NEK10: variants seen among roughly 807,000 people sequenced by gnomAD.
The protein encoded by NEK10 is NIMA related kinase 10.
Under a neutral mutation model 159.8 loss-of-function variants are expected in NEK10, and 122 were observed. The observed-to-expected ratio is 0.76, with a 90% CI of 0.66 to 0.89. The LOEUF is 0.89. Ranked by LOEUF, NEK10 falls within the 40% of genes least tolerant of loss-of-function variation. The pLI is 0.00. For missense variants in NEK10, 1,342 were observed against 1,323.1 expected (o/e 1.01, Z -0.22); for synonymous variants, 466 against 457.1 (o/e 1.02, Z -0.25).
chr3:27,233,798 C>G (rs542733010), intron 23 of NEK10, among the ~76,000 whole-genome samples: 14 of 152,112 alleles, frequency 9.2e-5, no homozygotes, highest in African/African-American at 2.6e-4. Context: ...ATACTAAAAC[C>G]TGGCAGAGAT....
intron 32 of NEK10, among the ~76,000 whole-genome samples, chr3:27,123,942 G>A (rs1028273098): frequency 2.0e-5 from 3 of 151,976 alleles, no homozygotes; most frequent in African/African-American, 7.2e-5. Context: ...TACAAGATGA[G>A]GGTGAACAGA....
chr3:27,290,178 C>G (rs1276732800), intron 19 of NEK10, among the ~76,000 whole-genome samples: 2 of 152,122 alleles, frequency 1.3e-5, no homozygotes, highest in Non-Finnish European at 2.9e-5. Flanking sequence ...TACATAATAA[C>G]CCAACTTGAA....
intron 30 of NEK10, among the ~76,000 whole-genome samples, chr3:27,157,615 G>A (rs945690328): frequency 1.3e-5 from 2 of 152,266 alleles, no homozygotes; most frequent in Non-Finnish European, 2.9e-5. Flanking sequence ...GAACATTGTT[G>A]AAATGGCAAC....
chr3:27,181,828 C>G (rs7634574), intron 26 of NEK10, among the ~76,000 whole-genome samples: 1 of 152,020 alleles, frequency 6.6e-6, no homozygotes, highest in African/African-American at 2.4e-5. Context: ...TAAATGCTTA[C>G]TAAATTTTGT....
At chr3:27,270,334 T>C (rs1195195948) in intron 22 of NEK10, among the ~76,000 whole-genome samples, 3 of 152,004 alleles carry the variant, frequency 2.0e-5, no homozygotes, top group Non-Finnish European at 2.9e-5. Context: ...CCAGAACCCA[T>C]TGCCAGCCAT....
intron 30 of NEK10, among the ~76,000 whole-genome samples, chr3:27,146,121 G>A (rs1944275203): frequency 6.6e-6 from 1 of 152,088 alleles, no homozygotes; most frequent in Non-Finnish European, 1.5e-5. Context: ...GACATAATAA[G>A]CTGGAAGCAT....
intron 7 of NEK10, 30 bp downstream of exon 7, chr3:27,314,267 C>T: frequency 6.4e-7 from 1 of 1,561,152 alleles, no homozygotes; most frequent in South Asian, 1.2e-5. Context: ...AATGAAAAGG[C>T]AAGACCAGCC....
chr3:27,265,662 T>A (rs775277903), intron 22 of NEK10: 1 of 152,208 alleles, frequency 6.6e-6, no homozygotes, highest in Non-Finnish European at 1.5e-5. Context: ...AATTTTAGTA[T>A]ACATGCTGGC....
intron 3 of NEK10, among the ~76,000 whole-genome samples, chr3:27,351,591 C>T (rs1451733078): frequency 6.6e-6 from 1 of 152,142 alleles, no homozygotes; most frequent in Non-Finnish European, 1.5e-5. Context: ...TTGGCTTTTA[C>T]ATGCCATCAA....
intron 29 of NEK10, among the ~76,000 whole-genome samples, chr3:27,169,540 G>C (rs1033917915): frequency 1.3e-5 from 2 of 152,166 alleles, no homozygotes; most frequent in African/African-American, 2.4e-5. Context: ...TGGAAAAAAA[G>C]TTAGGAAATT....
intron 30 of NEK10, among the ~76,000 whole-genome samples, chr3:27,147,717 T>C (rs187945879): frequency 2.3e-3 from 350 of 152,312 alleles, no homozygotes; most frequent in Non-Finnish European, 3.9e-3. Flanking sequence ...GCCTGTAGCG[T>C]TAGAGGTTAA....
At chr3:27,326,013 C>T (rs2045972936) in intron 5 of NEK10, among the ~76,000 whole-genome samples, 1 of 152,182 alleles carries the variant, frequency 6.6e-6, no homozygotes, top group Non-Finnish European at 1.5e-5. Flanking sequence ...AAACTGCCAG[C>T]CAGGCAGAAT....
intron 30 of NEK10, 99 bp from the exon 31 acceptor site, chr3:27,141,681 C>T (rs1027066240): frequency 1.6e-5 from 13 of 817,886 alleles, no homozygotes; most frequent in African/African-American, 3.4e-5. Flanking sequence ...AAAGCAAAGA[C>T]TTCACCTTAT....
intron 26 of NEK10, among the ~76,000 whole-genome samples, chr3:27,175,412 C>G (rs1374069944): frequency 6.6e-6 from 1 of 152,174 alleles, no homozygotes; most frequent in Non-Finnish European, 1.5e-5. Context: ...TCCTCCAAAA[C>G]GGATGGATGC....
intron 26 of NEK10, among the ~76,000 whole-genome samples, chr3:27,175,045 A>C (rs1425022571): frequency 6.6e-6 from 1 of 152,226 alleles, no homozygotes; most frequent in Non-Finnish European, 1.5e-5. Context: ...ACATTGGATC[A>C]AAAAGGATGG....
intron 23 of NEK10, among the ~76,000 whole-genome samples, chr3:27,229,934 G>C (rs1953053612): frequency 6.6e-6 from 1 of 152,034 alleles, no homozygotes; most frequent in Admixed American, 6.6e-5. Context: ...AAATAAGTTT[G>C]GAAAACTTAT....
intron 23 of NEK10, among the ~76,000 whole-genome samples, chr3:27,235,778 T>A (rs1208549043): frequency 6.6e-6 from 1 of 152,146 alleles, no homozygotes; most frequent in African/African-American, 2.4e-5. Flanking sequence ...CCCAAAGGAA[T>A]AGAAATTGTT....
At chr3:27,206,272 T>C (rs972162154) in intron 23 of NEK10, among the ~76,000 whole-genome samples, 1 of 152,186 alleles carries the variant, frequency 6.6e-6, no homozygotes, top group African/African-American at 2.4e-5. Flanking sequence ...TACTAGTCAC[T>C]CTTCTACCTG....
intron 23 of NEK10, among the ~76,000 whole-genome samples, chr3:27,209,275 A>G (rs1483143466): frequency 1.3e-5 from 2 of 152,234 alleles, no homozygotes; most frequent in Non-Finnish European, 2.9e-5. Context: ...CCTAAATTGC[A>G]GTATTATTCA....
Sources: allele counts gnomAD v4.1 joint callset (sites outside exome capture counted in the v4.1 genomes callset), GRCh38; gene constraint gnomAD v4.1.1; transcripts MANE v1.5; gene names NCBI Gene and HGNC (gene_info 2026-07-23, HGNC 2026-07-21).